PSD3: variants seen among roughly 807,000 people sequenced by gnomAD.
PSD3 encodes the protein PH and SEC7 domain-containing protein 3.
In PSD3, 49 loss-of-function variants were observed where a neutral mutation model predicts 105.5. The ratio of observed to expected loss-of-function variants is 0.46; its 90% CI spans 0.37 to 0.59. The LOEUF is 0.59. Among genes scored for constraint, PSD3 ranks in the 20% least tolerant of loss-of-function variants. PSD3 has a pLI of 0.00. For synonymous variants in PSD3, 557 were observed against 457.8 expected (o/e 1.22, Z -2.77); for missense variants, 1,561 against 1,263.8 (o/e 1.24, Z -3.57).
intron 8 of PSD3, among the ~76,000 whole-genome samples, chr8:18,782,163 TAG>T (rs1808697345): frequency 6.6e-6 from 1 of 152,116 alleles, no homozygotes; most frequent in African/African-American, 2.4e-5. Flanking sequence ...AGGTATTTCA[TAG>T]ATTTTTTTTA....
chr8:18,767,080 C>A (rs576788885), intron 8 of PSD3, among the ~76,000 whole-genome samples: 5 of 152,160 alleles, frequency 3.3e-5, no homozygotes, highest in Admixed American at 2.0e-4. Context: ...AGCCTCTGTT[C>A]GCAAAACGTA....
intron 14 of PSD3, among the ~76,000 whole-genome samples, chr8:18,568,803 C>A (rs1447623273): frequency 6.6e-6 from 1 of 151,934 alleles, no homozygotes; most frequent in Non-Finnish European, 1.5e-5. Context: ...TGCGCTGCAC[C>A]CACTAACTCG....
At chr8:19,002,724 A>G (rs1186489955) in intron 1 of PSD3, among the ~76,000 whole-genome samples, 1 of 152,124 alleles carries the variant, frequency 6.6e-6, no homozygotes, top group African/African-American at 2.4e-5. Context: ...ATAAATAATG[A>G]CAAGAAACAG....
chr8:18,636,676 C>T (rs991069694), intron 10 of PSD3, among the ~76,000 whole-genome samples: 1 of 152,126 alleles, frequency 6.6e-6, no homozygotes, highest in African/African-American at 2.4e-5. Flanking sequence ...ATCTTTAATG[C>T]CATATTTGTT....
chr8:18,844,509 A>T (rs1444292322), intron 4 of PSD3, among the ~76,000 whole-genome samples: 4 of 152,156 alleles, frequency 2.6e-5, no homozygotes, highest in African/African-American at 9.6e-5. Context: ...CTTGTCTACT[A>T]TATTTATAGC....
intron 1 of PSD3, among the ~76,000 whole-genome samples, chr8:19,018,778 C>T (rs1048504378): frequency 6.6e-6 from 1 of 152,134 alleles, no homozygotes; most frequent in Non-Finnish European, 1.5e-5. Flanking sequence ...CAAGTCTATC[C>T]TCATGAGAGT....
intron 4 of PSD3, among the ~76,000 whole-genome samples, chr8:18,824,985 A>G (rs1035200409): frequency 2.5e-4 from 38 of 152,204 alleles, no homozygotes; most frequent in African/African-American, 8.2e-4. Context: ...AATCAAAGCT[A>G]TAAAAAAATA....
At chr8:18,989,952 C>CAACT (rs1231098375) in intron 1 of PSD3, among the ~76,000 whole-genome samples, 1 of 152,196 alleles carries the variant, frequency 6.6e-6, no homozygotes, top group African/African-American at 2.4e-5. Flanking sequence ...CAATAAATGG[C>CAACT]AACTCCAAGA....
At chr8:18,724,990 T>C (rs1236480437) in intron 9 of PSD3, among the ~76,000 whole-genome samples, 1 of 152,206 alleles carries the variant, frequency 6.6e-6, no homozygotes, top group African/African-American at 2.4e-5. Flanking sequence ...AAAAGGATTT[T>C]AAAAGACAAA....
At chr8:18,656,163 T>C (rs1227744041) in intron 9 of PSD3, among the ~76,000 whole-genome samples, 2 of 152,200 alleles carry the variant, frequency 1.3e-5, no homozygotes, top group Non-Finnish European at 2.9e-5. Context: ...GTTCAAGTGA[T>C]TCTCTTGCTT....
chr8:18,923,472 G>C (rs1821161993), intron 2 of PSD3, among the ~76,000 whole-genome samples: 1 of 152,158 alleles, frequency 6.6e-6, no homozygotes, highest in South Asian at 2.1e-4. Context: ...ATGACATCTG[G>C]CTCACCAATG....
chr8:18,875,144 C>G (rs1215013429), intron 2 of PSD3, among the ~76,000 whole-genome samples: 3 of 152,088 alleles, frequency 2.0e-5, no homozygotes, highest in Non-Finnish European at 4.4e-5. Context: ...GTTTCAAACT[C>G]CTGGCCTCAA....
rs149741937 is a variant in PSD3 at position 18,744,805 on chromosome 8, T to A, written c.2172+20644A>T. 2.8e-3 allele frequency among the ~76,000 whole-genome samples: 429 copies of A among 152,342 alleles called. 2 individuals are homozygous for A. The highest frequency in any genetic ancestry group is 4.8e-3 in the Non-Finnish European group (329 of 68,038). On this transcript the variant is annotated intron_variant, in intron 9 of 15. Coordinates refer to ENST00000327040, the MANE Select transcript of PSD3 (RefSeq NM_015310.4). ...TTTCCCCATTACTGCCCTTGTCCTATTCCATGATCCTCTCTAGAACCCACA... is the reference window on the plus strand; with the variant it reads ...TTTCCCCATTACTGCCCTTGTCCTAATCCATGATCCTCTCTAGAACCCACA...
At chr8:18,922,805 A>C (rs994177483) in intron 2 of PSD3, among the ~76,000 whole-genome samples, 2 of 152,142 alleles carry the variant, frequency 1.3e-5, no homozygotes, top group African/African-American at 4.8e-5. Flanking sequence ...ATGTTTACCA[A>C]CTTCTGATAA....
chr8:18,916,323 TATATATATATATATATATATATATATAC>T (rs1442831763), intron 2 of PSD3, among the ~76,000 whole-genome samples: 3 of 55,454 alleles, frequency 5.4e-5, no homozygotes, highest in East Asian at 3.2e-4. Context: ...TATATATATA[TATATATATATATATATATATATATATAC>T]ACACACACAC....
chr8:18,734,175 T>C (rs1325932303), intron 9 of PSD3: 1 of 152,184 alleles, frequency 6.6e-6, no homozygotes, highest in Non-Finnish European at 1.5e-5. Flanking sequence ...AACTTGGAGG[T>C]AGAAACCAGA....
intron 14 of PSD3, among the ~76,000 whole-genome samples, chr8:18,561,702 A>T (rs1801406131): frequency 6.6e-6 from 1 of 152,134 alleles, no homozygotes; most frequent in Non-Finnish European, 1.5e-5. Context: ...TTAAAAAAAT[A>T]TTTAATTTTT....
intron 12 of PSD3, among the ~76,000 whole-genome samples, chr8:18,581,988 C>A (rs9942804): frequency 0.017 from 2,531 of 152,152 alleles, 73 homozygotes; most frequent in African/African-American, 0.058. Context: ...AACAAGAGCT[C>A]TGGATAATGT....
intron 1 of PSD3, among the ~76,000 whole-genome samples, chr8:18,985,450 T>C (rs1825453626): frequency 1.3e-5 from 2 of 152,200 alleles, no homozygotes; most frequent in South Asian, 4.1e-4. Context: ...TTTATCCTAA[T>C]AGGAAGGCAC....
Sources: gnomAD v4.1 joint callset for allele counts (sites outside exome capture counted in the v4.1 genomes callset) on GRCh38, gnomAD v4.1.1 for gene constraint, MANE v1.5 for transcripts, NCBI Gene and HGNC (gene_info 2026-07-23, HGNC 2026-07-21) for gene names.